ATAD2: variants seen among roughly 807,000 people sequenced by gnomAD.
ATAD2 encodes the protein ATPase family AAA domain containing 2.
ATAD2 carries 62 observed loss-of-function variants against 168.9 expected under a neutral mutation model. The observed-to-expected ratio is 0.37, with a 90% CI of 0.30 to 0.45. The LOEUF (loss-of-function observed/expected upper bound fraction) is 0.45, where lower values mean the gene tolerates loss of function less well. ATAD2 is among the 20% of genes least tolerant of loss of function. The pLI is 1.00. For synonymous variants in ATAD2, 613 were observed against 571.6 expected, an observed-to-expected ratio of 1.07 and a Z score of -1.03; for missense variants, 1,419 against 1,667.8, an observed-to-expected ratio of 0.85 and a Z score of 2.60.
At chr8:123,410,008 G>A (rs1224619735) in intron 1 of ATAD2, among the ~76,000 whole-genome samples, 1 of 147,308 alleles carries the variant, frequency 6.8e-6, no homozygotes, top group Non-Finnish European at 1.5e-5. Flanking sequence ...AAAACCTTTT[G>A]TTATTAAAGC....
chr8:123,346,796 G>C, intron 16 of ATAD2, 46 bp from the exon 17 acceptor site: 1 of 1,513,296 alleles, frequency 6.6e-7, no homozygotes, highest in Non-Finnish European at 8.9e-7. Context: ...GGATTGCAAA[G>C]CAAATCTTTA....
At chr8:123,407,617 G>C (rs563722420) in intron 1 of ATAD2, among the ~76,000 whole-genome samples, 1 of 152,146 alleles carries the variant, frequency 6.6e-6, no homozygotes, top group South Asian at 2.1e-4. Flanking sequence ...CCAGCACTTT[G>C]GGAGGCTGAG....
intron 7 of ATAD2, 31 bp from the exon 8 acceptor site, chr8:123,369,206 T>C: frequency 9.3e-6 from 4 of 428,076 alleles, no homozygotes; most frequent in Non-Finnish European, 9.8e-6. Flanking sequence ...TATATATTTG[T>C]ATATATATAT....
At chr8:123,388,682 C>A (rs939345226) in intron 1 of ATAD2, among the ~76,000 whole-genome samples, 28 of 151,936 alleles carry the variant, frequency 1.8e-4, no homozygotes, top group Non-Finnish European at 3.7e-4. Context: ...CCATGCCCAG[C>A]CAATTTTTAT....
At chr8:123,401,691 A>G (rs1208781640) in intron 1 of ATAD2, 3 of 756,194 alleles carry the variant, frequency 4.0e-6, no homozygotes, top group Non-Finnish European at 7.2e-6. Context: ...GGGCACGTCA[A>G]GGTGCCGGCC....
chr8:123,364,814 A>G (rs1415054896), intron 8 of ATAD2, among the ~76,000 whole-genome samples: 1 of 152,176 alleles, frequency 6.6e-6, no homozygotes, highest in East Asian at 1.9e-4. Context: ...TCCACAGCCA[A>G]CGTAATACTG....
At chr8:123,339,580 A>T in intron 19 of ATAD2, 134 bp from the exon 20 acceptor site, 1 of 816,166 alleles carries the variant, frequency 1.2e-6, no homozygotes, top group East Asian at 2.7e-5. Context: ...TCCACTTAAC[A>T]ATCGGGTTAT....
intron 19 of ATAD2, chr8:123,344,683 C>T: frequency 1.8e-6 from 1 of 567,996 alleles, no homozygotes; most frequent in South Asian, 2.1e-5. Context: ...ATTTATGTAT[C>T]CTTAATATAT....
intron 8 of ATAD2, among the ~76,000 whole-genome samples, chr8:123,368,160 G>A (rs1431381299): frequency 6.6e-6 from 1 of 152,176 alleles, no homozygotes; most frequent in Non-Finnish European, 1.5e-5. Flanking sequence ...GCACACACCT[G>A]TAATCCCAGC....
At chr8:123,380,864 AAT>A in intron 1 of ATAD2, 187 bp from the exon 2 acceptor site, 2 of 582,204 alleles carry the variant, frequency 3.4e-6, no homozygotes, top group Non-Finnish European at 6.0e-6. Flanking sequence ...AAATATCAGC[AAT>A]GTCTATGAAG....
chr8:123,351,486 G>A (rs1828458397), intron 13 of ATAD2, among the ~76,000 whole-genome samples: 2 of 151,996 alleles, frequency 1.3e-5, no homozygotes. Context: ...AAAAACGACA[G>A]GTCTAGATCC....
At position 123,348,243 on chromosome 8, in the gene ATAD2, T is replaced by C. The variant is rs751509912; in HGVS notation, c.1837A>G (p.Arg613Gly). Residue 613 changes from arginine to glycine, a missense_variant, in exon 15 of 28, where the codon AGG becomes GGG. This residue lies in a region of ATAD2 where 545 missense variants were observed against 724.9 expected (regional missense o/e 0.75). Coordinates refer to ENST00000287394, the MANE Select transcript of ATAD2 (RefSeq NM_014109.4). ...ARKEILKIHT[R>G]DWNPKPLDTF... is the part of the protein sequence containing the mutation. ...TCCAGTGGTTTGGGATTCCAATCCCTGGTGTGAATCTTTAGAATCTCTTTT... is the reference window on the plus strand; with the variant it reads ...TCCAGTGGTTTGGGATTCCAATCCCCGGTGTGAATCTTTAGAATCTCTTTT... 1.9e-6 allele frequency: 3 copies of C among 1,600,806 alleles called. No homozygotes were observed. Among genetic ancestry groups the C allele is most frequent in the East Asian group, 4.5e-5 (2 of 44,562 alleles).
chr8:123,401,634 G>C lies in ATAD2; in HGVS notation c.-2281-459C>G, dbSNP rs546493780. ...GTGTACAAGGTGGCTGAGTATGCCC[G>C]GCACTTTGGTGTGCCCATCATAGCC... On this transcript the variant is annotated intron_variant, in intron 1 of 28. Coordinates refer to the ATAD2 transcript ENST00000521903. 3.1e-5 allele frequency: 29 copies of C among 934,430 alleles called. 1 individual carries two copies. The highest frequency in any genetic ancestry group is 2.5e-4 in the South Asian group (19 of 75,812). 57.9% of individuals were successfully genotyped at this position (934,430 alleles called of 1,614,324 possible).
rs571905259 is a variant in ATAD2, at chr8:123,404,819, C to T, written c.-2281-3644G>A. Among the ~76,000 whole-genome samples the T allele has an allele frequency of 1.1e-4, 17 of 152,276 alleles. No individual in the cohort carries two copies. In the South Asian group the frequency reaches 2.3e-3, roughly 20 times the overall value. ...CCTCCCAAAGTGCTGGGATTACAGG[C>T]GTGAGCCACCGCGCCCAGCCCCCCC... On this transcript the variant is annotated intron_variant, in intron 1 of 28. Coordinates refer to the ATAD2 transcript ENST00000521903.
chr8:123,350,032 A>G (rs577779083), intron 13 of ATAD2, among the ~76,000 whole-genome samples: 106 of 152,248 alleles, frequency 7.0e-4, no homozygotes, highest in Admixed American at 3.3e-4. Flanking sequence ...ATAAAAAAGA[A>G]AAGAAAAAGA....
chr8:123,357,842 G>T, intron 11 of ATAD2, 106 bp from the exon 12 acceptor site: 1 of 1,144,332 alleles, frequency 8.7e-7, no homozygotes, highest in Non-Finnish European at 1.2e-6. Context: ...AAATTAAAAT[G>T]TGTAAGACAA....
At chr8:123,358,905 C>T (rs1223834252) in intron 11 of ATAD2, among the ~76,000 whole-genome samples, 4 of 150,786 alleles carry the variant, frequency 2.7e-5, no homozygotes, top group Admixed American at 6.6e-5. Flanking sequence ...GGTTTCACCA[C>T]GTTGCCCAGG....
intron 11 of ATAD2, among the ~76,000 whole-genome samples, chr8:123,358,383 C>T (rs1462934633): frequency 4.0e-5 from 6 of 151,464 alleles, no homozygotes; most frequent in Non-Finnish European, 8.8e-5. Context: ...CTTGCTGTGT[C>T]GCCCAGGCTG....
chr8:123,395,166 T>C (rs1812767169), intron 1 of ATAD2, among the ~76,000 whole-genome samples: 1 of 152,194 alleles, frequency 6.6e-6, no homozygotes. Context: ...TCCTACTCCA[T>C]GCCTACCCTC....
Sources: gnomAD v4.1 joint callset for allele counts (sites outside exome capture counted in the v4.1 genomes callset) on GRCh38, gnomAD v4.1.1 for gene constraint, gnomAD v4.1.1 regional missense constraint, MANE v1.5 for transcripts, NCBI Gene and HGNC (gene_info 2026-07-23, HGNC 2026-07-21) for gene names.